The following AFG1L variants were observed in gnomAD, a reference collection of about 807,000 sequenced individuals.
AFG1L encodes the protein AFG1 like ATPase, also known as AFG1-like ATPase.
A neutral mutation model predicts 62.2 loss-of-function variants in AFG1L; 53 were observed. That is an observed-to-expected ratio of 0.85 (90% CI 0.68 to 1.07). AFG1L has a LOEUF of 1.07. Ranked by LOEUF, AFG1L falls within the 50% of genes least tolerant of loss-of-function variation. The probability of loss-of-function intolerance (pLI) is 0.00; values close to 1 mark genes in which losing one functional copy is unlikely to be tolerated. For missense variants in AFG1L, 555 were observed against 590.5 expected (o/e 0.94, Z 0.62); for synonymous variants, 228 against 210.3 (o/e 1.08, Z -0.73).
Position 108,522,438 on chromosome 6 carries a change from C to G in AFG1L, c.*13C>G. 1 of 1,603,946 alleles carries G rather than the reference C, an allele frequency of 6.2e-7. No individual in the cohort carries two copies. Among genetic ancestry groups the G allele is most frequent in the East Asian group, 2.2e-5 (1 of 44,600 alleles). On this transcript the variant is annotated 3_prime_UTR_variant, in exon 13 of 13. Coordinates refer to ENST00000368977, the MANE Select transcript of AFG1L (RefSeq NM_145315.5). ...AACCAAGAAGTAACTGCCACTTTTG[C>G]ATAAATAAAACTCTAGACAAATGGT...
intron 7 of AFG1L, among the ~76,000 whole-genome samples, chr6:108,416,054 A>C (rs1199544200): frequency 6.6e-6 from 1 of 152,198 alleles, no homozygotes; most frequent in Non-Finnish European, 1.5e-5. Flanking sequence ...GAATCTACAA[A>C]GAACTCAAAC....
intron 12 of AFG1L, 183 bp downstream of exon 12, chr6:108,519,993 T>A (rs1245336991): frequency 4.8e-6 from 2 of 418,962 alleles, no homozygotes; most frequent in African/African-American, 4.1e-5. Flanking sequence ...AATTATAAAC[T>A]TACAGTGGAA....
intron 1 of AFG1L, among the ~76,000 whole-genome samples, chr6:108,316,152 C>A (rs1777583374): frequency 1.3e-5 from 2 of 151,774 alleles, no homozygotes; most frequent in South Asian, 4.2e-4. Context: ...GAGGCCGAGG[C>A]GGGCGGATCA....
chr6:108,373,836 C>G (rs1780123649), intron 6 of AFG1L, among the ~76,000 whole-genome samples: 1 of 152,086 alleles, frequency 6.6e-6, no homozygotes, highest in Admixed American at 6.5e-5. Flanking sequence ...CCTCGGCCTC[C>G]CAAAGTGGTG....
At chr6:108,346,366 C>CT (rs879650858) in intron 2 of AFG1L, among the ~76,000 whole-genome samples, 1,725 of 146,526 alleles carry the variant, frequency 0.012, 22 homozygotes, top group African/African-American at 0.039. Flanking sequence ...CCTTTTTCTA[C>CT]TTTTTTTTTT....
At chr6:108,326,452 G>A (rs1778047757) in intron 2 of AFG1L, among the ~76,000 whole-genome samples, 1 of 152,158 alleles carries the variant, frequency 6.6e-6, no homozygotes, top group Non-Finnish European at 1.5e-5. Flanking sequence ...ATGACAACAG[G>A]AAAACTCCTG....
chr6:108,466,822 C>T (rs1225285193), intron 8 of AFG1L, among the ~76,000 whole-genome samples: 1 of 150,386 alleles, frequency 6.6e-6, no homozygotes, highest in Non-Finnish European at 1.5e-5. Context: ...GTTTAAGCCA[C>T]CCAGTCTGTG....
chr6:108,473,843 G>A (rs1302976393), intron 8 of AFG1L, among the ~76,000 whole-genome samples: 3 of 152,210 alleles, frequency 2.0e-5, no homozygotes, highest in Non-Finnish European at 4.4e-5. Flanking sequence ...ACAGGCGTGA[G>A]CCACTATGCC....
chr6:108,438,564 C>T (rs1165032714), intron 7 of AFG1L, among the ~76,000 whole-genome samples: 1 of 151,754 alleles, frequency 6.6e-6, no homozygotes, highest in East Asian at 1.9e-4. Context: ...TTTAAGTTAC[C>T]TCTCTGATCC....
At chr6:108,346,511 G>A (rs959895291) in intron 2 of AFG1L, among the ~76,000 whole-genome samples, 11 of 152,018 alleles carry the variant, frequency 7.2e-5, no homozygotes, top group South Asian at 2.1e-4. Flanking sequence ...GACCACAGGC[G>A]CATGCCACCA....
chr6:108,333,216 C>T (rs1345962178), intron 2 of AFG1L, among the ~76,000 whole-genome samples: 5 of 151,482 alleles, frequency 3.3e-5, no homozygotes, highest in Non-Finnish European at 7.4e-5. Flanking sequence ...TCGAGACCAA[C>T]CTGGCCAACA....
At chr6:108,366,016 T>A (rs1423778938) in intron 5 of AFG1L, among the ~76,000 whole-genome samples, 1 of 152,062 alleles carries the variant, frequency 6.6e-6, no homozygotes, top group African/African-American at 2.4e-5. Context: ...ATTTGGTAAT[T>A]TGTGTAGAAA....
chr6:108,315,952 G>A (rs997491111), intron 1 of AFG1L, among the ~76,000 whole-genome samples: 3 of 152,102 alleles, frequency 2.0e-5, no homozygotes, highest in African/African-American at 7.2e-5. Context: ...GAGAATGGAG[G>A]GGAAGGATAG....
In AFG1L at chr6:108,412,649, T is replaced by C. The variant is rs987382109; in HGVS notation, c.807+10595T>C. Among the ~76,000 whole-genome samples, 80 of 152,144 alleles carry C rather than the reference T, an allele frequency of 5.3e-4. 1 individual carries two copies. The highest frequency in any genetic ancestry group is 2.9e-3 in the Admixed American group (44 of 15,270). ...GAAAAGAATTTTCAACCCAGAATTT[T>C]ATATCCAGCCAAACTAAGCTTCATA... On this transcript the variant is annotated intron_variant, in intron 7 of 12. Coordinates refer to ENST00000368977, the MANE Select transcript of AFG1L (RefSeq NM_145315.5).
intron 6 of AFG1L, among the ~76,000 whole-genome samples, chr6:108,384,887 T>C (rs573821851): frequency 1.3e-5 from 2 of 152,074 alleles, no homozygotes; most frequent in African/African-American, 2.4e-5. Flanking sequence ...ATGTAAAGAA[T>C]AGAAAGAGAA....
chr6:108,324,094 C>T (rs1193833076), intron 2 of AFG1L, 46 bp downstream of exon 2: 1 of 1,414,860 alleles, frequency 7.1e-7, no homozygotes, highest in African/African-American at 1.4e-5. Context: ...AAAGTGTAAG[C>T]ATTTTCTAAA....
At chr6:108,434,343 T>C (rs1771213799) in intron 7 of AFG1L, among the ~76,000 whole-genome samples, 1 of 152,162 alleles carries the variant, frequency 6.6e-6, no homozygotes, top group African/African-American at 2.4e-5. Context: ...AAATTCACCA[T>C]GCCACCGAAC....
At chr6:108,466,754 TG>T (rs758184420) in intron 8 of AFG1L, among the ~76,000 whole-genome samples, 86,944 of 137,186 alleles carry the variant, frequency 0.63, 27,910 homozygotes, top group African/African-American at 0.88. Flanking sequence ...AAAATATATT[TG>T]TTAAAATATA....
At chr6:108,369,459 A>G (rs1779898203) in intron 6 of AFG1L, among the ~76,000 whole-genome samples, 1 of 152,102 alleles carries the variant, frequency 6.6e-6, no homozygotes. Context: ...GTCATCACTG[A>G]TCTCTGTCTA....
Sources: gnomAD v4.1 joint callset for allele counts (sites outside exome capture counted in the v4.1 genomes callset) on GRCh38, gnomAD v4.1.1 for gene constraint, MANE v1.5 for transcripts, NCBI Gene and HGNC (gene_info 2026-07-23, HGNC 2026-07-21) for gene names.